The following DHRSX variants were observed in gnomAD, a reference collection of about 807,000 sequenced individuals.
The protein encoded by DHRSX is polyprenol dehydrogenase.
DHRSX carries 31 observed loss-of-function variants against 34.0 expected under a neutral mutation model. The ratio of observed to expected loss-of-function variants is 0.91; its 90% CI spans 0.69 to 1.23. DHRSX has a LOEUF of 1.23. DHRSX is among the 50% of genes most tolerant of loss of function. The pLI is 0.00. For synonymous variants in DHRSX, 201 were observed against 183.8 expected (o/e 1.09, Z -0.76); for missense variants, 414 against 428.1 (o/e 0.97, Z 0.29).
chrX:2,399,401 A>G (rs1332951023), intron 3 of DHRSX, among the ~76,000 whole-genome samples: 2 of 133,126 alleles, frequency 1.5e-5, no homozygotes, highest in Admixed American at 7.5e-5. Context: ...GGGCCATTTT[A>G]TGTTTAAAAA....
intron 6 of DHRSX, among the ~76,000 whole-genome samples, chrX:2,241,983 C>A (rs1047068346): frequency 1.3e-5 from 2 of 152,026 alleles, no homozygotes; most frequent in Non-Finnish European, 2.9e-5. Context: ...TTGTTCAAAC[C>A]CATTGACTTC....
In DHRSX at chrX:2,276,754, G is replaced by GAGAGGGAGGGCAAAGAAGGA. The variant is rs1556447548; in HGVS notation, c.389-9827_389-9808dup. Among the ~76,000 whole-genome samples, 992 of 151,166 alleles carry GAGAGGGAGGGCAAAGAAGGA rather than the reference G, an allele frequency of 6.6e-3. 6 individuals are homozygous for GAGAGGGAGGGCAAAGAAGGA. The highest frequency in any genetic ancestry group is 0.014 in the Middle Eastern group (4 of 292). On this transcript the variant is annotated intron_variant, in intron 4 of 6. Coordinates refer to ENST00000334651, the MANE Select transcript of DHRSX (RefSeq NM_145177.3). ...CAATCAGAGAGAGAGAGAGGAGAGA[G>GAGAGGGAGGGCAAAGAAGGA]AGAGGGAGGGCAAAGAAGGAAGAGA...
At chrX:2,274,550 G>A (rs949818028) in intron 4 of DHRSX, among the ~76,000 whole-genome samples, 1 of 151,734 alleles carries the variant, frequency 6.6e-6, no homozygotes, top group Non-Finnish European at 1.5e-5. Flanking sequence ...CCAAGTAGCT[G>A]GGATTACAGG....
chrX:2,464,989 C>T (rs886688508), intron 1 of DHRSX, among the ~76,000 whole-genome samples: 1 of 151,764 alleles, frequency 6.6e-6, no homozygotes, highest in African/African-American at 2.4e-5. Context: ...TAAGGGACCC[C>T]CGCCATGTAC....
intron 3 of DHRSX, among the ~76,000 whole-genome samples, chrX:2,393,528 ACGACACACAGGGACC>A (rs2043362972): frequency 6.7e-6 from 1 of 148,302 alleles, no homozygotes; most frequent in African/African-American, 2.5e-5. Context: ...CTCCGCACAC[ACGACACACAGGGACC>A]TCCCTGTCTC....
Position 2,324,196 on chromosome X carries a change from A to G in DHRSX, c.287-32593T>C, listed in dbSNP as rs756138815. ...ACCTGCATGTGATAGGGTAAGAAGGACCCATTTCCCTCCAAGGAGAACAGC... is the reference window on the plus strand; with the variant it reads ...ACCTGCATGTGATAGGGTAAGAAGGGCCCATTTCCCTCCAAGGAGAACAGC... On this transcript the variant is annotated intron_variant, in intron 3 of 6. Coordinates refer to ENST00000334651, the MANE Select transcript of DHRSX (RefSeq NM_145177.3). Among the ~76,000 whole-genome samples, 124 of 152,218 alleles carry G rather than the reference A, an allele frequency of 8.1e-4. 1 individual carries two copies. Among genetic ancestry groups the G allele is most frequent in the African/African-American group, 2.9e-3 (121 of 41,542 alleles).
At chrX:2,293,120 AG>A (rs1335713013) in intron 3 of DHRSX, among the ~76,000 whole-genome samples, 1 of 152,174 alleles carries the variant, frequency 6.6e-6, no homozygotes, top group African/African-American at 2.4e-5. Flanking sequence ...ACTCAGGGAC[AG>A]CTTTATAACA....
intron 6 of DHRSX, among the ~76,000 whole-genome samples, chrX:2,222,876 T>C (rs2015552699): frequency 6.6e-6 from 1 of 152,144 alleles, no homozygotes; most frequent in East Asian, 1.9e-4. Flanking sequence ...GACAATCCAG[T>C]GTGCCCACCA....
intron 2 of DHRSX, among the ~76,000 whole-genome samples, chrX:2,415,889 T>G (rs2043687109): frequency 6.6e-6 from 1 of 151,056 alleles, no homozygotes; most frequent in African/African-American, 2.4e-5. Context: ...CAACTAGATC[T>G]CCTCATGACC....
chrX:2,294,664 CA>C (rs780753194), intron 3 of DHRSX, among the ~76,000 whole-genome samples: 1,785 of 129,116 alleles, frequency 0.014, 23 homozygotes, highest in African/African-American at 0.04. Flanking sequence ...GACTCTGTCT[CA>C]AAAAAAAAAA....
chrX:2,331,449 T>TTTTTTG (rs1208230981), intron 3 of DHRSX, among the ~76,000 whole-genome samples: 1 of 134,834 alleles, frequency 7.4e-6, no homozygotes, highest in Non-Finnish European at 1.7e-5. Context: ...TTTTTTTTTT[T>TTTTTTG]TTTTTTTTTT....
At chrX:2,276,273 C>A (rs757283153) in intron 4 of DHRSX, among the ~76,000 whole-genome samples, 1 of 152,096 alleles carries the variant, frequency 6.6e-6, no homozygotes, top group Non-Finnish European at 1.5e-5. Flanking sequence ...TGTTTCATTG[C>A]GAATTTTGTA....
intron 1 of DHRSX, among the ~76,000 whole-genome samples, chrX:2,443,055 C>T (rs1266489985): frequency 6.6e-6 from 1 of 152,044 alleles, no homozygotes; most frequent in East Asian, 1.9e-4. Context: ...TTCGTAGAGA[C>T]AGGGTCTGGC....
chrX:2,250,276 C>A (rs1289978808), intron 5 of DHRSX, among the ~76,000 whole-genome samples: 1 of 151,932 alleles, frequency 6.6e-6, no homozygotes, highest in African/African-American at 2.4e-5. Flanking sequence ...GGGCGGATCA[C>A]CTGATCCTTT....
At chrX:2,481,598 G>A (rs779388390) in intron 1 of DHRSX, among the ~76,000 whole-genome samples, 12 of 152,018 alleles carry the variant, frequency 7.9e-5, no homozygotes, top group African/African-American at 1.2e-4. Context: ...CCCAGGAGGC[G>A]GAGGTTTCTG....
intron 3 of DHRSX, among the ~76,000 whole-genome samples, chrX:2,358,908 C>T (rs1043393476): frequency 3.3e-5 from 5 of 150,498 alleles, no homozygotes; most frequent in Non-Finnish European, 7.4e-5. Flanking sequence ...GAGATCGCGC[C>T]ACCGCACTCC....
At chrX:2,457,257 C>CA (rs1443962988) in intron 1 of DHRSX, among the ~76,000 whole-genome samples, 1 of 151,962 alleles carries the variant, frequency 6.6e-6, no homozygotes, top group African/African-American at 2.4e-5. Context: ...GGACCACCAC[C>CA]ATGTAGGCAC....
intron 2 of DHRSX, among the ~76,000 whole-genome samples, chrX:2,411,684 G>A (rs753439349): frequency 1.2e-4 from 18 of 148,564 alleles, no homozygotes; most frequent in South Asian, 4.3e-4. Context: ...ATGAGATTGC[G>A]CCACTGCACT....
At chrX:2,474,068 A>T (rs1292362962) in intron 1 of DHRSX, among the ~76,000 whole-genome samples, 2 of 152,078 alleles carry the variant, frequency 1.3e-5, no homozygotes, top group Non-Finnish European at 2.9e-5. Flanking sequence ...GACAGAGGAA[A>T]GGGATTCCAC....
Sources: allele counts gnomAD v4.1 joint callset (sites outside exome capture counted in the v4.1 genomes callset), GRCh38; gene constraint gnomAD v4.1.1; transcripts MANE v1.5; gene names NCBI Gene and HGNC (gene_info 2026-07-23, HGNC 2026-07-21).